Variants in ATP2C1 observed in about 807,000 individuals in gnomAD.
ATP2C1 encodes the protein ATPase secretory pathway Ca2+ transporting 1, also known as calcium-transporting ATPase type 2C member 1.
ATP2C1 carries 31 observed loss-of-function variants against 120.5 expected under a neutral mutation model. The ratio of observed to expected loss-of-function variants is 0.26; its 90% CI spans 0.19 to 0.35. ATP2C1 has a LOEUF of 0.35. Ranked by LOEUF, ATP2C1 falls within the 10% of genes least tolerant of loss-of-function variation. ATP2C1 has a pLI of 1.00. For synonymous variants in ATP2C1, 351 were observed against 358.7 expected, an observed-to-expected ratio of 0.98 and a Z score of 0.24; for missense variants, 731 against 1,107.5, an observed-to-expected ratio of 0.66 and a Z score of 4.83.
Position 130,922,469 on chromosome 3 carries a change from C to G in ATP2C1, c.7-7947C>G, listed in dbSNP as rs569916600. 8.9e-4 allele frequency among the ~76,000 whole-genome samples: 136 copies of G among 151,970 alleles called. 2 individuals are homozygous for G. The South Asian group carries it at 0.017, about 20-fold the overall frequency. On this transcript the variant is annotated intron_variant, in intron 2 of 27. Coordinates refer to ENST00000510168, the MANE Select transcript of ATP2C1 (RefSeq NM_001378687.1). ...TGTTTCAATTTCATTTAGTTCTGCT[C>G]TGATCTTTGTTACTTATTTTCTTCT... is the stretch of plus-strand genomic sequence containing the variant.
In ATP2C1 at chr3:130,869,229, A is replaced by G. The variant is rs542738257; in HGVS notation, c.108+18301A>G. ...TGTTAAACAGATGCTTGAAGGCAGCATGCTCGTTAAGAGTCATCACCACTC... is the reference window on the plus strand; with the variant it reads ...TGTTAAACAGATGCTTGAAGGCAGCGTGCTCGTTAAGAGTCATCACCACTC... On this transcript the variant is annotated intron_variant, in intron 1 of 26. Coordinates refer to the ATP2C1 transcript ENST00000504381. 1,285 of 138,016 alleles carry G rather than the reference A, an allele frequency of 9.3e-3. 8 individuals are homozygous for G. Among genetic ancestry groups the G allele is most frequent in the Non-Finnish European group, 0.014 (926 of 65,142 alleles). The allele number at this position is 138,016 out of a possible 1,614,324, so 8.5% of individuals were successfully genotyped here.
intron 2 of ATP2C1, among the ~76,000 whole-genome samples, chr3:130,917,187 AG>A (rs1483623982): frequency 6.6e-6 from 1 of 152,196 alleles, no homozygotes; most frequent in Non-Finnish European, 1.5e-5. Flanking sequence ...AGTGTTGCTG[AG>A]TGTGTTTAAA....
intron 8 of ATP2C1, among the ~76,000 whole-genome samples, chr3:130,950,508 T>C (rs1343837350): frequency 6.6e-6 from 1 of 152,164 alleles, no homozygotes; most frequent in Non-Finnish European, 1.5e-5. Context: ...GCCTAATTTA[T>C]TAAATTCCAC....
At chr3:130,967,454 G>T in intron 16 of ATP2C1, 35 bp downstream of exon 16, 1 of 1,544,580 alleles carries the variant, frequency 6.5e-7, no homozygotes, top group Non-Finnish European at 8.9e-7. Context: ...TGACATTTGA[G>T]ACACTGCCCT....
chr3:130,918,506 T>C (rs544212944), intron 2 of ATP2C1: 3 of 767,792 alleles, frequency 3.9e-6, no homozygotes, highest in African/African-American at 3.4e-5. Flanking sequence ...CTTGTAGGCA[T>C]GTGAGGCTGA....
chr3:131,011,178 C>T (rs2063304257), intron 26 of ATP2C1, among the ~76,000 whole-genome samples: 1 of 152,020 alleles, frequency 6.6e-6, no homozygotes, highest in Non-Finnish European at 1.5e-5. Context: ...GAATTCTTTC[C>T]CCATGATCAA....
intron 2 of ATP2C1, among the ~76,000 whole-genome samples, chr3:130,920,823 T>G (rs1051262351): frequency 2.6e-5 from 4 of 152,144 alleles, no homozygotes; most frequent in African/African-American, 9.6e-5. Context: ...GGTGTTTCTG[T>G]TTTTTTGTGT....
intron 1 of ATP2C1, among the ~76,000 whole-genome samples, chr3:130,852,882 A>C (rs180909075): frequency 5.9e-5 from 9 of 152,362 alleles, no homozygotes; most frequent in Non-Finnish European, 2.9e-5. Context: ...GTACCAGAGG[A>C]AGATGTGAAT....
chr3:130,993,122 G>GTGT, intron 21 of ATP2C1, 121 bp downstream of exon 21: 1 of 622,046 alleles, frequency 1.6e-6, no homozygotes, highest in East Asian at 3.4e-5. Context: ...AAGCAAAACA[G>GTGT]TTTTTTTTTT....
chr3:130,873,231 A>G (rs2068491892), intron 1 of ATP2C1, among the ~76,000 whole-genome samples: 1 of 152,234 alleles, frequency 6.6e-6, no homozygotes. Context: ...TTCTCCAATA[A>G]GGCATTGTGG....
At position 130,894,165 on chromosome 3, in the gene ATP2C1, C is replaced by CCTCT; in HGVS notation, c.-349_-346dup. 1 of 826,312 alleles carries CCTCT rather than the reference C, an allele frequency of 1.2e-6. No individual in the cohort carries two copies. The highest frequency in any genetic ancestry group is 1.5e-6 in the Non-Finnish European group (1 of 684,818). The allele number at this position is 826,312 out of a possible 1,614,324, so 51.2% of individuals were successfully genotyped here. On this transcript the variant is annotated 5_prime_UTR_variant, in exon 1 of 28. Coordinates refer to ENST00000510168, the MANE Select transcript of ATP2C1 (RefSeq NM_001378687.1). This position sits in a 1 kb window ranked among gnomAD's most constrained non-coding sequence, Gnocchi z 4.5. The stretch of plus-strand genomic sequence containing the variant: ...CCTCTTCTCTCCCCTCCCCGCCCGC[C>CCTCT]CTCTCTCCCTCCCTTCCTCCCTCCC...
intron 1 of ATP2C1, among the ~76,000 whole-genome samples, chr3:130,888,799 T>C (rs182808127): frequency 6.6e-6 from 1 of 152,344 alleles, no homozygotes; most frequent in Admixed American, 6.5e-5. Flanking sequence ...GTACTCCGAT[T>C]GCTCTGATTT....
intron 27 of ATP2C1, among the ~76,000 whole-genome samples, chr3:131,000,941 A>G (rs999650566): frequency 1.9e-4 from 29 of 151,902 alleles, no homozygotes; most frequent in African/African-American, 5.8e-4. Flanking sequence ...CCTCTCTACT[A>G]AAAATACGAA....
At chr3:130,919,805 C>T (rs576667984) in intron 2 of ATP2C1, among the ~76,000 whole-genome samples, 7 of 152,310 alleles carry the variant, frequency 4.6e-5, no homozygotes, top group African/African-American at 7.2e-5. Flanking sequence ...TTTGCATTCC[C>T]ACCAACAGGA....
At chr3:130,982,669 CCTT>C (rs1437656591) in intron 20 of ATP2C1, among the ~76,000 whole-genome samples, 8 of 152,196 alleles carry the variant, frequency 5.3e-5, no homozygotes, top group African/African-American at 1.7e-4. Flanking sequence ...GCTACCTCCT[CCTT>C]CATTTATTTT....
intron 2 of ATP2C1, among the ~76,000 whole-genome samples, chr3:130,911,639 G>A (rs1386787466): frequency 2.0e-5 from 3 of 152,126 alleles, no homozygotes; most frequent in Non-Finnish European, 2.9e-5. Flanking sequence ...ATGCTCATGG[G>A]TAGGAAGAAT....
At position 130,975,454 on chromosome 3, in the gene ATP2C1, A is replaced by G. The variant is rs1433418371; in HGVS notation, c.1536A>G (p.Gln512=). Residue 512 remains glutamine, a synonymous_variant, in exon 18 of 28, where the codon CAA becomes CAG. Coordinates refer to ENST00000510168, the MANE Select transcript of ATP2C1 (RefSeq NM_001378687.1). ...LTQQQRDVYQ[Q]EKARMGSAGL... ...AGCAGCAGAGAGATGTGTACCAACA[A>G]GAGAAGGCACGCATGGGCTCAGCGG... 6.2e-7 allele frequency: 1 copy of G among 1,613,878 alleles called. No homozygotes were observed. Among genetic ancestry groups the G allele is most frequent in the South Asian group, 1.1e-5 (1 of 91,080 alleles).
intron 5 of ATP2C1, among the ~76,000 whole-genome samples, chr3:130,937,197 A>G (rs896584609): frequency 4.6e-5 from 7 of 152,218 alleles, no homozygotes; most frequent in Non-Finnish European, 1.0e-4. Context: ...AGAGCATAAA[A>G]GGGCCCTGAG....
chr3:130,978,071 G>A (rs554056147), intron 18 of ATP2C1, among the ~76,000 whole-genome samples: 16 of 152,204 alleles, frequency 1.1e-4, no homozygotes, highest in South Asian at 1.0e-3. Context: ...TTAGGAGTGC[G>A]CAGAGCTGAT....
Sources: allele counts gnomAD v4.1 joint callset (sites outside exome capture counted in the v4.1 genomes callset), GRCh38; gene constraint gnomAD v4.1.1; non-coding constraint Gnocchi (gnomAD v3.1); transcripts MANE v1.5; gene names NCBI Gene and HGNC (gene_info 2026-07-23, HGNC 2026-07-21).